Variants in NBEAL1 observed in about 807,000 individuals in gnomAD.
NBEAL1 encodes the protein neurobeachin-like protein 1.
NBEAL1 carries 273 observed loss-of-function variants against 351.3 expected under a neutral mutation model. The ratio of observed to expected loss-of-function variants is 0.78; its 90% CI spans 0.70 to 0.86. The LOEUF is 0.86. NBEAL1 is among the 40% of genes least tolerant of loss of function. The pLI is 0.00. For synonymous variants in NBEAL1, 1,050 were observed against 1,086.4 expected, an observed-to-expected ratio of 0.97 and a Z score of 0.66; for missense variants, 2,961 against 3,201.3, an observed-to-expected ratio of 0.92 and a Z score of 1.81.
chr2:203,210,861 A>G (rs2065768705), intron 53 of NBEAL1, 97 bp from the exon 54 acceptor site: 1 of 602,604 alleles, frequency 1.7e-6, no homozygotes, highest in Non-Finnish European at 2.7e-6. Flanking sequence ...TAAAATGTTA[A>G]GCCAAATAAT....
In NBEAL1 at chr2:203,108,455, G is replaced by A. The variant is rs530804803; in HGVS notation, c.1949+267G>A. On this transcript the variant is annotated intron_variant, in intron 14 of 55. Transcript: ENST00000683969. ...GCTCTGTCACCCAGGCTAGAGTGCA[G>A]TGGCGTGATCTCGGCTCACTGCAAG... Among the ~76,000 whole-genome samples the A allele has an allele frequency of 4.6e-5, 7 of 151,568 alleles. No homozygotes were observed. The East Asian group carries it at 1.4e-3, about 29-fold the overall frequency.
chr2:203,115,186 G>A (rs1460241134), intron 17 of NBEAL1, among the ~76,000 whole-genome samples: 1 of 145,988 alleles, frequency 6.8e-6, no homozygotes, highest in African/African-American at 2.6e-5. Flanking sequence ...GGAGTGCAAT[G>A]GCACGACCTC....
At position 203,119,773 on chromosome 2, in the gene NBEAL1, A is replaced by C. The variant is rs139165887; in HGVS notation, c.2593-2481A>C. On this transcript the variant is annotated intron_variant, in intron 18 of 55. Coordinates refer to ENST00000683969, the MANE Select transcript of NBEAL1 (RefSeq NM_001378026.1). ...CTTGGAGGTTAGTGATACATTTTTA[A>C]AATTCTGCTATAAAGGAACCAGTTT... Among the ~76,000 whole-genome samples the C allele has an allele frequency of 2.0e-4, 31 of 152,164 alleles. No homozygotes were observed. The East Asian group carries it at 5.6e-3, about 28-fold the overall frequency.
chr2:203,172,718 G>A lies in NBEAL1; in HGVS notation c.6199-11G>A. On this transcript the variant is annotated splice_polypyrimidine_tract_variant and intron_variant, in intron 40 of 55. Transcript: ENST00000683969. Reference sequence around the variant, plus strand: ...AAGGAATGTCTAAATTGTAAATTATGGCTCTTTTAGTTTCCCTGGATTTTA... The same window carrying A: ...AAGGAATGTCTAAATTGTAAATTATAGCTCTTTTAGTTTCCCTGGATTTTA... 1 of 1,597,494 alleles carries A rather than the reference G, an allele frequency of 6.3e-7. No individual in the cohort carries two copies. Among genetic ancestry groups the A allele is most frequent in the Non-Finnish European group, 8.5e-7 (1 of 1,172,712 alleles).
intron 2 of NBEAL1, among the ~76,000 whole-genome samples, chr2:203,041,351 A>G (rs2061137740): frequency 6.6e-6 from 1 of 152,184 alleles, no homozygotes; most frequent in Admixed American, 6.5e-5. Flanking sequence ...TCAGTTGTCC[A>G]GAAAAAAAAG....
At chr2:203,165,268 T>C (rs932812708) in intron 36 of NBEAL1, among the ~76,000 whole-genome samples, 2 of 152,236 alleles carry the variant, frequency 1.3e-5, no homozygotes, top group Admixed American at 6.5e-5. Context: ...TCCTAATATA[T>C]GGTGACTTCA....
intron 41 of NBEAL1, among the ~76,000 whole-genome samples, chr2:203,174,216 CAAAAAAA>C (rs10652390): frequency 3.8e-3 from 94 of 24,606 alleles, no homozygotes; most frequent in Middle Eastern, 0.038. Flanking sequence ...TTTATACTAG[CAAAAAAA>C]AAAAAAAAAA....
chr2:203,015,087 G>A (rs1403320776), intron 1 of NBEAL1, 105 bp downstream of exon 1: 2 of 152,628 alleles, frequency 1.3e-5, no homozygotes, highest in Admixed American at 1.3e-4. Context: ...AGTGAGGGGC[G>A]GCTTTGAGTG....
intron 6 of NBEAL1, among the ~76,000 whole-genome samples, chr2:203,066,865 G>A (rs145172434): frequency 0.035 from 5,181 of 146,588 alleles, 305 homozygotes; most frequent in African/African-American, 0.12. Context: ...ATGGGCGGCC[G>A]GGCAGAGGCG....
chr2:203,139,751 G>C (rs2063320242), intron 31 of NBEAL1, among the ~76,000 whole-genome samples: 1 of 151,142 alleles, frequency 6.6e-6, no homozygotes, highest in Non-Finnish European at 1.5e-5. Flanking sequence ...GTTTTTAGTA[G>C]AGACGGAGTT....
chr2:203,195,834 C>T (rs1157337041), intron 47 of NBEAL1, among the ~76,000 whole-genome samples: 1 of 152,190 alleles, frequency 6.6e-6, no homozygotes, highest in Non-Finnish European at 1.5e-5. Context: ...GTACACACCC[C>T]TCTGACTAGC....
intron 17 of NBEAL1, among the ~76,000 whole-genome samples, chr2:203,115,717 G>A (rs2062679276): frequency 6.6e-6 from 1 of 152,144 alleles, no homozygotes; most frequent in African/African-American, 2.4e-5. Context: ...GGCATGAGCT[G>A]TGGGATTACA....
intron 2 of NBEAL1, among the ~76,000 whole-genome samples, chr2:203,034,892 A>G (rs1384935438): frequency 6.7e-6 from 1 of 149,392 alleles, no homozygotes; most frequent in African/African-American, 2.4e-5. Flanking sequence ...TAGAAAATAT[A>G]AATATAACTG....
chr2:203,149,828 G>A (rs2063604656), intron 34 of NBEAL1, among the ~76,000 whole-genome samples: 1 of 152,058 alleles, frequency 6.6e-6, no homozygotes, highest in Non-Finnish European at 1.5e-5. Context: ...ACAATATGTG[G>A]CTATTTGTGT....
intron 10 of NBEAL1, among the ~76,000 whole-genome samples, chr2:203,086,535 T>A (rs893112058): frequency 9.9e-5 from 15 of 152,194 alleles, no homozygotes; most frequent in Non-Finnish European, 2.2e-4. Flanking sequence ...TACTCTTTAG[T>A]CTCCCCTTTC....
chr2:203,159,885 A>G (rs757002480), intron 36 of NBEAL1, among the ~76,000 whole-genome samples: 1 of 151,612 alleles, frequency 6.6e-6, no homozygotes, highest in African/African-American at 2.4e-5. Flanking sequence ...CTCCACATCT[A>G]CCTCAACTCT....
intron 3 of NBEAL1, among the ~76,000 whole-genome samples, chr2:203,042,590 T>C (rs564536696): frequency 2.6e-5 from 4 of 152,118 alleles, no homozygotes; most frequent in Non-Finnish European, 4.4e-5. Context: ...TTGTTCTTTT[T>C]TTTTTTTTTT....
chr2:203,048,098 TG>T (rs1258210090), intron 3 of NBEAL1, among the ~76,000 whole-genome samples: 1 of 152,144 alleles, frequency 6.6e-6, no homozygotes, highest in South Asian at 2.1e-4. Context: ...TCTTTCAGGC[TG>T]GTAAGATATC....
intron 8 of NBEAL1, 37 bp from the exon 9 acceptor site, chr2:203,083,182 G>A (rs2061902914): frequency 2.0e-6 from 3 of 1,498,390 alleles, no homozygotes; most frequent in Non-Finnish European, 2.7e-6. Context: ...AACTTCATTA[G>A]GTTTAGGTTT....
Sources: allele counts gnomAD v4.1 joint callset (sites outside exome capture counted in the v4.1 genomes callset), GRCh38; gene constraint gnomAD v4.1.1; transcripts MANE v1.5; gene names NCBI Gene and HGNC (gene_info 2026-07-23, HGNC 2026-07-21).